Variants in SNTG1 observed in about 807,000 individuals in gnomAD.
The protein encoded by SNTG1 is gamma-1-syntrophin.
In SNTG1, 39 loss-of-function variants were observed where a neutral mutation model predicts 74.7. The observed-to-expected ratio is 0.52, with a 90% CI of 0.40 to 0.68. The LOEUF (loss-of-function observed/expected upper bound fraction) is 0.68, where lower values mean the gene tolerates loss of function less well. Ranked by LOEUF, SNTG1 falls within the 30% of genes least tolerant of loss-of-function variation. The probability of loss-of-function intolerance (pLI) is 0.00; values close to 1 mark genes in which losing one functional copy is unlikely to be tolerated. For missense variants in SNTG1, 685 were observed against 609.5 expected (o/e 1.12, Z -1.30); for synonymous variants, 254 against 217.1 (o/e 1.17, Z -1.49).
chr8:50,745,258 G>A (rs2095552585), intron 17 of SNTG1, among the ~76,000 whole-genome samples: 1 of 151,846 alleles, frequency 6.6e-6, no homozygotes, highest in Admixed American at 6.6e-5. Context: ...TTGCAACAAA[G>A]AATATATACA....
At chr8:50,323,106 G>GA (rs2090596087) in intron 2 of SNTG1, among the ~76,000 whole-genome samples, 2 of 42,448 alleles carry the variant, frequency 4.7e-5, no homozygotes, top group Non-Finnish European at 7.6e-5. Context: ...AGACTTGTCT[G>GA]GAAAAAAAAA....
intron 2 of SNTG1, among the ~76,000 whole-genome samples, chr8:50,276,019 AT>A (rs2088080142): frequency 6.6e-6 from 1 of 152,140 alleles, no homozygotes; most frequent in Non-Finnish European, 1.5e-5. Flanking sequence ...TGTCTATTTT[AT>A]TTTTTAACTT....
intron 1 of SNTG1, among the ~76,000 whole-genome samples, chr8:50,052,833 C>A (rs974675884): frequency 1.3e-5 from 2 of 152,100 alleles, no homozygotes; most frequent in African/African-American, 4.8e-5. Flanking sequence ...CATTAATCAT[C>A]ATTGAAATTA....
At chr8:50,312,103 T>G (rs1264547165) in intron 2 of SNTG1, among the ~76,000 whole-genome samples, 2 of 152,174 alleles carry the variant, frequency 1.3e-5, no homozygotes, top group African/African-American at 4.8e-5. Flanking sequence ...TGTATGACAA[T>G]GGACAAGTTA....
chr8:50,779,310 C>T lies in SNTG1; in HGVS notation c.1396-13361C>T, dbSNP rs537105194. Among the ~76,000 whole-genome samples the T allele has an allele frequency of 1.3e-4, 20 of 152,242 alleles. 1 individual carries two copies. Among genetic ancestry groups the T allele is most frequent in the East Asian group, 3.9e-4 (2 of 5,172 alleles). ...ATTTTGGGCAGTATGGTCATTTTCA[C>T]GATATTGATTCTTCCTACCCATGAG... On this transcript the variant is annotated intron_variant, in intron 18 of 18. Transcript: ENST00000642720.
chr8:50,529,507 A>C (rs1224066752), intron 9 of SNTG1, among the ~76,000 whole-genome samples: 1 of 152,046 alleles, frequency 6.6e-6, no homozygotes, highest in African/African-American at 2.4e-5. Context: ...TTTAAAAAAT[A>C]TCTTTAGAAA....
intron 12 of SNTG1, among the ~76,000 whole-genome samples, chr8:50,587,350 C>T (rs966550262): frequency 4.0e-5 from 6 of 151,870 alleles, no homozygotes; most frequent in Admixed American, 2.0e-4. Context: ...TCTTATCAAT[C>T]GGTAAATATC....
intron 15 of SNTG1, among the ~76,000 whole-genome samples, chr8:50,671,672 G>C (rs149565181): frequency 0.015 from 2,298 of 152,090 alleles, 50 homozygotes; most frequent in African/African-American, 0.052. Context: ...AATGCCATTT[G>C]ACCCAGCAAT....
At chr8:50,483,560 A>T (rs963999298) in intron 8 of SNTG1, among the ~76,000 whole-genome samples, 2 of 152,050 alleles carry the variant, frequency 1.3e-5, no homozygotes, top group Non-Finnish European at 2.9e-5. Context: ...CAGGGTATTT[A>T]TATTGTACTC....
At chr8:50,204,773 G>T (rs1157596872) in intron 2 of SNTG1, among the ~76,000 whole-genome samples, 1 of 151,902 alleles carries the variant, frequency 6.6e-6, no homozygotes, top group African/African-American at 2.4e-5. Flanking sequence ...TCTGTGTCCA[G>T]GTGTTCTCAT....
At chr8:50,003,919 T>C (rs958862678) in intron 1 of SNTG1, among the ~76,000 whole-genome samples, 12 of 152,314 alleles carry the variant, frequency 7.9e-5, no homozygotes, top group African/African-American at 2.9e-4. Context: ...GTGAATTTCA[T>C]TGTAGCTGAC....
intron 2 of SNTG1, among the ~76,000 whole-genome samples, chr8:50,188,771 C>G (rs528936400): frequency 4.0e-4 from 61 of 151,968 alleles, no homozygotes; most frequent in Non-Finnish European, 8.4e-4. Context: ...TGTAGCAGAC[C>G]AAAATCTGTT....
At chr8:50,017,833 C>T (rs542416223) in intron 1 of SNTG1, among the ~76,000 whole-genome samples, 6 of 151,832 alleles carry the variant, frequency 4.0e-5, no homozygotes, top group African/African-American at 9.7e-5. Flanking sequence ...ATTCAATACC[C>T]ACTTTCAATA....
intron 1 of SNTG1, among the ~76,000 whole-genome samples, chr8:50,028,168 A>G (rs941571112): frequency 6.6e-6 from 1 of 152,174 alleles, no homozygotes; most frequent in African/African-American, 2.4e-5. Flanking sequence ...CTCCATCTCT[A>G]TAATTCTGTC....
intron 2 of SNTG1, among the ~76,000 whole-genome samples, chr8:50,350,733 T>C (rs914790604): frequency 9.2e-5 from 14 of 152,208 alleles, no homozygotes; most frequent in African/African-American, 3.4e-4. Context: ...AGAACCTTTA[T>C]GTCAACACTC....
At chr8:50,689,971 T>A (rs2095370450) in intron 15 of SNTG1, among the ~76,000 whole-genome samples, 1 of 152,230 alleles carries the variant, frequency 6.6e-6, no homozygotes, top group South Asian at 2.1e-4. Context: ...CCTGGTTTAG[T>A]CTTGGGAGGA....
chr8:49,923,936 A>G (rs1424323189), intron 1 of SNTG1, among the ~76,000 whole-genome samples: 2 of 152,334 alleles, frequency 1.3e-5, no homozygotes, highest in East Asian at 3.9e-4. Flanking sequence ...TATCTAACAG[A>G]TGATACTGAA....
intron 12 of SNTG1, among the ~76,000 whole-genome samples, chr8:50,563,360 C>T (rs1348897125): frequency 6.6e-6 from 1 of 152,154 alleles, no homozygotes; most frequent in African/African-American, 2.4e-5. Flanking sequence ...ACACATTTAG[C>T]TACAGTAAGC....
At chr8:50,381,589 TG>T (rs1563308956) in intron 2 of SNTG1, among the ~76,000 whole-genome samples, 1 of 139,086 alleles carries the variant, frequency 7.2e-6, no homozygotes, top group East Asian at 2.0e-4. Flanking sequence ...TGTGTGTGTG[TG>T]TGTATATATA....
Sources: gnomAD v4.1 joint callset for allele counts (sites outside exome capture counted in the v4.1 genomes callset) on GRCh38, gnomAD v4.1.1 for gene constraint, MANE v1.5 for transcripts, NCBI Gene and HGNC (gene_info 2026-07-23, HGNC 2026-07-21) for gene names.